Variants in ZFPM2 observed in about 807,000 individuals in gnomAD.
The protein encoded by ZFPM2 is zinc finger protein, FOG family member 2.
ZFPM2 carries 20 observed loss-of-function variants against 98.6 expected under a neutral mutation model. That is an observed-to-expected ratio of 0.20 (90% CI 0.14 to 0.29). The LOEUF (loss-of-function observed/expected upper bound fraction) is 0.29, where lower values mean the gene tolerates loss of function less well. Among genes scored for constraint, ZFPM2 ranks in the 10% least tolerant of loss-of-function variants. ZFPM2 has a pLI of 1.00. For missense variants in ZFPM2, 1,310 were observed against 1,388.6 expected (o/e 0.94, Z 0.90); for synonymous variants, 518 against 502.7 (o/e 1.03, Z -0.41).
At chr8:105,800,547 A>T (rs1305479587) in intron 7 of ZFPM2, among the ~76,000 whole-genome samples, 2 of 151,994 alleles carry the variant, frequency 1.3e-5, no homozygotes, top group Admixed American at 6.6e-5. Flanking sequence ...TACTTTACAA[A>T]ATGGTTTCTA....
At chr8:105,658,758 C>G (rs1817336639) in intron 5 of ZFPM2, among the ~76,000 whole-genome samples, 3 of 152,098 alleles carry the variant, frequency 2.0e-5, no homozygotes, top group African/African-American at 7.2e-5. Flanking sequence ...TGGACTTCTT[C>G]ACTTTTCAGG....
At chr8:105,526,786 C>T (rs1329290738) in intron 3 of ZFPM2, among the ~76,000 whole-genome samples, 1 of 152,106 alleles carries the variant, frequency 6.6e-6, no homozygotes. Flanking sequence ...AATTGTGTCA[C>T]TTATATACAG....
chr8:105,346,108 C>T (rs994860948), intron 1 of ZFPM2, among the ~76,000 whole-genome samples: 15 of 151,982 alleles, frequency 9.9e-5, no homozygotes, highest in African/African-American at 3.4e-4. Flanking sequence ...GTTCTTGGGC[C>T]GGCACAGTTG....
At chr8:105,614,610 C>T (rs753820397) in intron 4 of ZFPM2, among the ~76,000 whole-genome samples, 53 of 152,070 alleles carry the variant, frequency 3.5e-4, no homozygotes, top group Non-Finnish European at 1.3e-4. Flanking sequence ...CTTGAAGCTA[C>T]AGGCTGTTTC....
chr8:105,389,183 C>T (rs911073405), intron 1 of ZFPM2, among the ~76,000 whole-genome samples: 1 of 151,800 alleles, frequency 6.6e-6, no homozygotes, highest in Admixed American at 6.6e-5. Context: ...AGGCCTAAGG[C>T]GACCATAGGA....
intron 3 of ZFPM2, among the ~76,000 whole-genome samples, chr8:105,483,711 T>C (rs1207276249): frequency 6.6e-6 from 1 of 152,188 alleles, no homozygotes; most frequent in Non-Finnish European, 1.5e-5. Context: ...TGTAATTCTT[T>C]TGTCAGTCAT....
chr8:105,772,148 C>G (rs1313193228), intron 5 of ZFPM2, among the ~76,000 whole-genome samples: 1 of 152,102 alleles, frequency 6.6e-6, no homozygotes, highest in Non-Finnish European at 1.5e-5. Flanking sequence ...CACTGTTAAG[C>G]AGCCATATAA....
At chr8:105,405,298 A>G (rs1811423496) in intron 1 of ZFPM2, among the ~76,000 whole-genome samples, 1 of 151,756 alleles carries the variant, frequency 6.6e-6, no homozygotes. Flanking sequence ...TTATTATTAT[A>G]CTTTAAGTTT....
At chr8:105,538,011 A>G (rs977044154) in intron 3 of ZFPM2, among the ~76,000 whole-genome samples, 1 of 152,090 alleles carries the variant, frequency 6.6e-6, no homozygotes, top group Non-Finnish European at 1.5e-5. Context: ...TATCTTTTTT[A>G]CAGGCTCCAT....
In ZFPM2 at chr8:105,801,969, C is replaced by T. The variant is rs1466895036; in HGVS notation, c.1887C>T (p.Ser629=). 2 of 1,613,700 alleles carry T rather than the reference C, an allele frequency of 1.2e-6. No homozygotes were observed. The highest frequency in any genetic ancestry group is 1.3e-5 in the African/African-American group (1 of 74,912). The part of the protein sequence containing the change: ...PLLQTSCINS[S]TVLDLIGPNG... Reference sequence around the variant, plus strand: ...TTCAAACATCTTGCATCAATTCTTCCACTGTCTTAGATTTAATTGGGCCAA... The same window carrying T: ...TTCAAACATCTTGCATCAATTCTTCTACTGTCTTAGATTTAATTGGGCCAA... The change falls in exon 8 of 8, where the codon TCC becomes TCT. Residue 629 remains serine (S), a synonymous_variant. Coordinates refer to ENST00000407775, the MANE Select transcript of ZFPM2 (RefSeq NM_012082.4).
intron 2 of ZFPM2, among the ~76,000 whole-genome samples, chr8:105,442,958 A>G (rs533340331): frequency 6.6e-6 from 1 of 151,938 alleles, no homozygotes; most frequent in African/African-American, 2.4e-5. Context: ...GGGAAACTGG[A>G]AAATAGTTAT....
At chr8:105,596,739 CTTTTT>C (rs910632602) in intron 4 of ZFPM2, among the ~76,000 whole-genome samples, 1 of 58,958 alleles carries the variant, frequency 1.7e-5, no homozygotes, top group African/African-American at 6.3e-5. Flanking sequence ...CCTTTGTCTG[CTTTTT>C]TTTTTTTTTT....
At chr8:105,361,023 G>A (rs1278652026) in intron 1 of ZFPM2, among the ~76,000 whole-genome samples, 6 of 144,972 alleles carry the variant, frequency 4.1e-5, no homozygotes, top group Non-Finnish European at 9.0e-5. Flanking sequence ...GGTATTTCTA[G>A]TTCTAGATCC....
intron 5 of ZFPM2, among the ~76,000 whole-genome samples, chr8:105,739,582 G>C (rs1812166041): frequency 6.6e-6 from 1 of 151,666 alleles, no homozygotes; most frequent in Non-Finnish European, 1.5e-5. Context: ...TTGTTTCATA[G>C]GAATATTCAG....
chr8:105,364,068 T>C (rs1053993307), intron 1 of ZFPM2, among the ~76,000 whole-genome samples: 1 of 152,104 alleles, frequency 6.6e-6, no homozygotes, highest in Non-Finnish European at 1.5e-5. Flanking sequence ...AATTCCTATA[T>C]AGTGGTCTTA....
rs374096081 is a variant in ZFPM2, at chr8:105,802,223, A to T, written c.2141A>T (p.His714Leu). The T allele has an allele frequency of 5.6e-6, 9 of 1,613,948 alleles. No individual in the cohort carries two copies. The highest frequency in any genetic ancestry group is 7.6e-6 in the Non-Finnish European group (9 of 1,179,880). ...VHKQYYCATR[H>L]DPPLKRSASN... ...AAACAGTATTACTGTGCTACACGCC[A>T]CGACCCTCCACTGAAGAGGTCTGCT... is the stretch of plus-strand genomic sequence containing the variant. The change falls in exon 8 of 8, where the codon CAC (histidine) becomes CTC (leucine). Residue 714 changes from histidine (H) to leucine (L), a missense_variant. By Grantham distance (99) the His-to-Leu change is moderately conservative. Coordinates refer to ENST00000407775, the MANE Select transcript of ZFPM2 (RefSeq NM_012082.4).
intron 5 of ZFPM2, among the ~76,000 whole-genome samples, chr8:105,683,262 C>T (rs10100147): frequency 0.079 from 12,030 of 152,104 alleles, 1,538 homozygotes; most frequent in African/African-American, 0.27. Flanking sequence ...AATTCTCTAC[C>T]TCTGCCTGAC....
chr8:105,372,369 A>G (rs1282176527), intron 1 of ZFPM2, among the ~76,000 whole-genome samples: 1 of 152,158 alleles, frequency 6.6e-6, no homozygotes, highest in Non-Finnish European at 1.5e-5. Flanking sequence ...AGAAAGAAGC[A>G]TACAGAAAAT....
At chr8:105,378,490 C>T (rs1207605615) in intron 1 of ZFPM2, among the ~76,000 whole-genome samples, 8 of 152,142 alleles carry the variant, frequency 5.3e-5, no homozygotes, top group South Asian at 2.1e-4. Flanking sequence ...AGGCTGCAAA[C>T]TCTTTAAGAT....
Sources: gnomAD v4.1 joint callset for allele counts (sites outside exome capture counted in the v4.1 genomes callset) on GRCh38, gnomAD v4.1.1 for gene constraint, MANE v1.5 for transcripts, NCBI Gene and HGNC (gene_info 2026-07-23, HGNC 2026-07-21) for gene names.